Variants in SLC39A9 observed in about 807,000 individuals in gnomAD.
SLC39A9 encodes solute carrier family 39 member 9.
SLC39A9 carries 14 observed loss-of-function variants against 28.4 expected under a neutral mutation model. That is an observed-to-expected ratio of 0.49 (90% CI 0.33 to 0.77). The LOEUF is 0.77. Among genes scored for constraint, SLC39A9 ranks in the 30% least tolerant of loss-of-function variants. The probability of loss-of-function intolerance (pLI) is 0.02; values close to 1 mark genes in which losing one functional copy is unlikely to be tolerated. For synonymous variants in SLC39A9, 119 were observed against 149.6 expected, an observed-to-expected ratio of 0.80 and a Z score of 1.49; for missense variants, 283 against 381.1, an observed-to-expected ratio of 0.74 and a Z score of 2.14.
At chr14:69,408,831 C>T (rs545449576) in intron 1 of SLC39A9, among the ~76,000 whole-genome samples, 58 of 152,178 alleles carry the variant, frequency 3.8e-4, no homozygotes, top group Non-Finnish European at 7.2e-4. Flanking sequence ...TGAATTATTA[C>T]ACAACGTCAA....
intron 2 of SLC39A9, among the ~76,000 whole-genome samples, chr14:69,437,459 G>T (rs962477397): frequency 2.6e-5 from 4 of 152,088 alleles, no homozygotes; most frequent in Admixed American, 2.6e-4. Flanking sequence ...GGTGTGTTTT[G>T]TCCAGTTTTT....
intron 1 of SLC39A9, among the ~76,000 whole-genome samples, chr14:69,404,896 G>A (rs1316086424): frequency 6.6e-6 from 1 of 152,136 alleles, no homozygotes; most frequent in African/African-American, 2.4e-5. Context: ...ACATTTCTGA[G>A]ACTGGGTAAT....
intron 1 of SLC39A9, among the ~76,000 whole-genome samples, chr14:69,410,784 C>T (rs1343070326): frequency 6.6e-6 from 1 of 150,574 alleles, no homozygotes; most frequent in African/African-American, 2.4e-5. Flanking sequence ...GTGCCTAAAA[C>T]TTTGAAGGGA....
intron 1 of SLC39A9, among the ~76,000 whole-genome samples, chr14:69,399,994 G>A (rs1882538211): frequency 1.3e-5 from 2 of 152,150 alleles, no homozygotes; most frequent in Non-Finnish European, 2.9e-5. Flanking sequence ...CCAAGTGGTT[G>A]AGGCTGCAGT....
At position 69,429,889 on chromosome 14, in the gene SLC39A9, TTTTTTATTTTAGC is replaced by T. The variant is rs535927743; in HGVS notation, c.205+5688_205+5700del. 8.5e-5 allele frequency among the ~76,000 whole-genome samples: 13 copies of T among 152,350 alleles called. No homozygotes were observed. In the East Asian group the frequency reaches 2.5e-3, roughly 29 times the overall value. ...CTTAGTGTTGTCTGTTTTGTTTTAGTTTTTTATTTTAGCCATTCTAATAGCAGCATAGTGATAT... is the reference window on the plus strand; with the variant it reads ...CTTAGTGTTGTCTGTTTTGTTTTAGTCATTCTAATAGCAGCATAGTGATAT... On this transcript the variant is annotated intron_variant, in intron 2 of 6. Coordinates refer to ENST00000336643, the MANE Select transcript of SLC39A9 (RefSeq NM_018375.5).
rs1886141532 is a variant in SLC39A9 at position 69,462,260 on chromosome 14, C to G, written c.*3667C>G. ...ACAGTGATTTTAAATGTCCCTTTTT[C>G]TGGATCCCTTGTAAACATGAAATCA... On this transcript the variant is annotated 3_prime_UTR_variant, in exon 7 of 7. Transcript: ENST00000336643. The G allele has an allele frequency of 6.6e-6, 1 of 152,288 alleles. No homozygotes were observed. The highest frequency in any genetic ancestry group is 1.5e-5 in the Non-Finnish European group (1 of 68,110). 9.4% of individuals were successfully genotyped at this position (152,288 alleles called of 1,614,324 possible).
chr14:69,426,451 G>A (rs964517000), intron 2 of SLC39A9, among the ~76,000 whole-genome samples: 1 of 152,216 alleles, frequency 6.6e-6, no homozygotes, highest in African/African-American at 2.4e-5. Context: ...CAAAGACTAA[G>A]TAAGGTATGG....
intron 2 of SLC39A9, 163 bp from the exon 3 acceptor site, chr14:69,441,906 A>C: frequency 7.1e-7 from 1 of 1,402,182 alleles, no homozygotes; most frequent in Non-Finnish European, 9.2e-7. Flanking sequence ...TTCATCATGA[A>C]CTTTAAGTTG....
At chr14:69,419,824 G>A (rs1883782897) in intron 1 of SLC39A9, among the ~76,000 whole-genome samples, 1 of 152,100 alleles carries the variant, frequency 6.6e-6, no homozygotes, top group South Asian at 2.1e-4. Context: ...TGCAACCCCT[G>A]CTTTTTTTTG....
chr14:69,431,697 C>T (rs1884503263), intron 2 of SLC39A9, among the ~76,000 whole-genome samples: 1 of 151,982 alleles, frequency 6.6e-6, no homozygotes, highest in Non-Finnish European at 1.5e-5. Flanking sequence ...TAGTTTTTCA[C>T]CTTTTACTGT....
Position 69,421,812 on chromosome 14 carries a change from G to T in SLC39A9, c.97-2282G>T, listed in dbSNP as rs530832613. 9.8e-5 allele frequency among the ~76,000 whole-genome samples: 15 copies of T among 152,332 alleles called. No homozygotes were observed. In the East Asian group the frequency reaches 1.7e-3, roughly 18 times the overall value. On this transcript the variant is annotated intron_variant, in intron 1 of 6. Transcript: ENST00000336643. ...CATGGGTGTGGGACTCGCTAAGCAA[G>T]GAGCGGGATATAATCTCCTGGTGTG... is the stretch of plus-strand genomic sequence containing the variant.
At position 69,454,845 on chromosome 14, in the gene SLC39A9, C is replaced by T. The variant is rs1275639110; in HGVS notation, c.506C>T (p.Thr169Ile). ...GTTGCTTTGGGAGCAGCAGCATCTA[C>T]TTCACAGACCAGTGTCCAGTTAATT... is the stretch of plus-strand genomic sequence containing the variant. ...DGVALGAAAS[T>I]SQTSVQLIVF... Residue 169 changes from threonine to isoleucine, a missense_variant, in exon 5 of 7, where the codon ACT becomes ATT. By Grantham distance (89) the Thr-to-Ile change is moderately conservative (BLOSUM62 -1). Coordinates refer to ENST00000336643, the MANE Select transcript of SLC39A9 (RefSeq NM_018375.5). 2.5e-6 allele frequency: 4 copies of T among 1,613,972 alleles called. No individual in the cohort carries two copies. In the African/African-American group the frequency reaches 4.0e-5, roughly 16 times the overall value.
chr14:69,451,864 C>T (rs1041241552), intron 3 of SLC39A9, among the ~76,000 whole-genome samples: 8 of 152,116 alleles, frequency 5.3e-5, no homozygotes, highest in African/African-American at 1.9e-4. Flanking sequence ...TACAGGCATG[C>T]ACCACCACAC....
chr14:69,442,750 G>C (rs1371444238), intron 3 of SLC39A9, among the ~76,000 whole-genome samples: 1 of 152,166 alleles, frequency 6.6e-6, no homozygotes, highest in African/African-American at 2.4e-5. Context: ...AAACAAGTTA[G>C]AGTTGAATTT....
At chr14:69,424,476 A>T (rs1190238938) in intron 2 of SLC39A9, among the ~76,000 whole-genome samples, 1 of 152,140 alleles carries the variant, frequency 6.6e-6, no homozygotes, top group Non-Finnish European at 1.5e-5. Context: ...TTTAATGCTT[A>T]CTCAAACACT....
Position 69,459,214 on chromosome 14 carries a change from G to A in SLC39A9, c.*621G>A, listed in dbSNP as rs1210343695. ...GATATCCATTGAAAAGGGATGTCTA[G>A]AGGGATTTAAACAGCTCCTTTGGCA... On this transcript the variant is annotated 3_prime_UTR_variant, in exon 7 of 7. Coordinates refer to ENST00000336643, the MANE Select transcript of SLC39A9 (RefSeq NM_018375.5). 2.0e-6 allele frequency: 2 copies of A among 985,404 alleles called. No individual in the cohort carries two copies. Among genetic ancestry groups the A allele is most frequent in the Non-Finnish European group, 2.4e-6 (2 of 829,996 alleles). The allele number at this position is 985,404 out of a possible 1,614,324, so 61.0% of individuals were successfully genotyped here.
intron 2 of SLC39A9, among the ~76,000 whole-genome samples, chr14:69,437,078 A>G (rs1594934399): frequency 1.3e-5 from 2 of 152,302 alleles, no homozygotes; most frequent in East Asian, 1.9e-4. Context: ...CATGTTAGCC[A>G]GGATGGTCTT....
chr14:69,446,515 C>T (rs1594943284), intron 3 of SLC39A9, among the ~76,000 whole-genome samples: 1 of 151,672 alleles, frequency 6.6e-6, no homozygotes, highest in East Asian at 1.9e-4. Context: ...TCCCACTGGC[C>T]ACATGTGGGA....
intron 4 of SLC39A9, 143 bp from the exon 5 acceptor site, chr14:69,454,669 A>G (rs917608953): frequency 3.5e-6 from 2 of 566,312 alleles, no homozygotes; most frequent in African/African-American, 3.8e-5. Flanking sequence ...AACACATTTT[A>G]AAGATAAGGC....
Sources: allele counts gnomAD v4.1 joint callset (sites outside exome capture counted in the v4.1 genomes callset), GRCh38; gene constraint gnomAD v4.1.1; transcripts MANE v1.5; gene names NCBI Gene and HGNC (gene_info 2026-07-23, HGNC 2026-07-21).